Variants in ASB3 observed in about 807,000 individuals in gnomAD.
ASB3 encodes the protein ankyrin repeat and SOCS box protein 3.
Under a neutral mutation model 54.5 loss-of-function variants are expected in ASB3, and 41 were observed. The ratio of observed to expected loss-of-function variants is 0.75; its 90% CI spans 0.59 to 0.98. The LOEUF (loss-of-function observed/expected upper bound fraction) is 0.98, where lower values mean the gene tolerates loss of function less well. Ranked by LOEUF, ASB3 falls within the 50% of genes least tolerant of loss-of-function variation. The pLI is 0.00. For missense variants in ASB3, 733 were observed against 620.0 expected, an observed-to-expected ratio of 1.18 and a Z score of -1.94; for synonymous variants, 266 against 221.2, an observed-to-expected ratio of 1.20 and a Z score of -1.80.
intron 1 of ASB3, chr2:53,767,796 G>C: frequency 6.7e-7 from 1 of 1,489,624 alleles, no homozygotes; most frequent in Non-Finnish European, 9.0e-7. Flanking sequence ...CGCCCCGCGC[G>C]GCCGGTTACT....
intron 9 of ASB3, among the ~76,000 whole-genome samples, chr2:53,691,227 C>A (rs1241563623): frequency 2.6e-5 from 4 of 152,010 alleles, no homozygotes; most frequent in Non-Finnish European, 5.9e-5. Context: ...TTATAAACTA[C>A]CATGGCAAGT....
intron 3 of ASB3, chr2:53,748,213 T>C (rs1173170691): frequency 1.3e-5 from 2 of 152,270 alleles, no homozygotes; most frequent in East Asian, 3.8e-4. Flanking sequence ...ACTCTGCACA[T>C]GAAGTCTTCT....
intron 3 of ASB3, among the ~76,000 whole-genome samples, chr2:53,742,354 A>C (rs1419306912): frequency 6.6e-6 from 1 of 152,206 alleles, no homozygotes; most frequent in African/African-American, 2.4e-5. Flanking sequence ...CCCAAGATGA[A>C]TTATCACAAA....
intron 7 of ASB3, among the ~76,000 whole-genome samples, chr2:53,711,108 C>A (rs949535484): frequency 6.6e-6 from 1 of 152,078 alleles, no homozygotes; most frequent in Non-Finnish European, 1.5e-5. Flanking sequence ...TCTGTGTGGG[C>A]AACAGAATGA....
chr2:53,699,239 T>C lies in ASB3; in HGVS notation c.1238+1032A>G, dbSNP rs541833632. On this transcript the variant is annotated intron_variant, in intron 8 of 9. Transcript: ENST00000263634. ...GGGGCACCATCTTGATGATCTTATC[T>C]AATCCTAATTACCTCCCAAATATCT... 5.9e-5 allele frequency among the ~76,000 whole-genome samples: 9 copies of C among 152,326 alleles called. No individual in the cohort carries two copies. The South Asian group carries it at 1.9e-3, about 32-fold the overall frequency.
At chr2:53,700,709 C>T (rs1020066155) in intron 7 of ASB3, among the ~76,000 whole-genome samples, 181 bp from the exon 8 acceptor site, 16 of 151,972 alleles carry the variant, frequency 1.1e-4, no homozygotes, top group Non-Finnish European at 2.2e-4. Flanking sequence ...GCTTTTTACA[C>T]CCTCCTGCAT....
intron 5 of ASB3, among the ~76,000 whole-genome samples, chr2:53,724,549 A>C (rs1187604531): frequency 6.6e-6 from 1 of 151,984 alleles, no homozygotes; most frequent in African/African-American, 2.4e-5. Context: ...CAGTGAGCAG[A>C]GATAGTGCCA....
intron 1 of ASB3, among the ~76,000 whole-genome samples, chr2:53,783,174 T>C (rs189079993): frequency 5.9e-4 from 89 of 152,036 alleles, no homozygotes; most frequent in African/African-American, 2.1e-3. Context: ...GGGACATAAA[T>C]ATTTAAAAGT....
chr2:53,713,984 G>GT (rs1430543135), intron 7 of ASB3, among the ~76,000 whole-genome samples: 1 of 151,946 alleles, frequency 6.6e-6, no homozygotes, highest in East Asian at 1.9e-4. Context: ...TAAAACTAAA[G>GT]TTTAATTTTT....
rs374494818 is a variant in ASB3, at chr2:53,694,891, T to C, written c.1239-877A>G. On this transcript the variant is annotated intron_variant, in intron 8 of 9. Transcript: ENST00000263634. ...AAACTATAAAGTATTATACGAAAAATTGGTATTACCAGAAACGATTTGAAA... is the reference window on the plus strand; with the variant it reads ...AAACTATAAAGTATTATACGAAAAACTGGTATTACCAGAAACGATTTGAAA... Among the ~76,000 whole-genome samples, 15 of 152,232 alleles carry C rather than the reference T, an allele frequency of 9.9e-5. No homozygotes were observed. In the South Asian group the frequency reaches 3.1e-3, roughly 32 times the overall value.
intron 9 of ASB3, among the ~76,000 whole-genome samples, chr2:53,687,964 T>C (rs1668718741): frequency 6.6e-6 from 1 of 152,084 alleles, no homozygotes; most frequent in Non-Finnish European, 1.5e-5. Context: ...ACTACAGTCA[T>C]TCACCACCAT....
At chr2:53,769,420 TAAC>T (rs1410069020) in intron 1 of ASB3, among the ~76,000 whole-genome samples, 5 of 152,252 alleles carry the variant, frequency 3.3e-5, no homozygotes, top group African/African-American at 1.2e-4. Flanking sequence ...TATGTGGCTA[TAAC>T]AACATACTTT....
chr2:53,701,029 G>C (rs1243350162), intron 7 of ASB3, among the ~76,000 whole-genome samples: 1 of 152,114 alleles, frequency 6.6e-6, no homozygotes, highest in African/African-American at 2.4e-5. Flanking sequence ...AGGCTGACGT[G>C]CAGTGGCACA....
chr2:53,673,754 A>G (rs1667941162), intron 9 of ASB3, among the ~76,000 whole-genome samples: 2 of 152,236 alleles, frequency 1.3e-5, no homozygotes, highest in Admixed American at 6.5e-5. Context: ...AAATTTCAGA[A>G]TATCTTTCCA....
intron 3 of ASB3, among the ~76,000 whole-genome samples, chr2:53,745,671 G>C (rs1051452419): frequency 2.0e-4 from 31 of 152,146 alleles, no homozygotes; most frequent in Non-Finnish European, 3.8e-4. Context: ...ATATTCTATA[G>C]CCTCTAGCAA....
rs780720749 is a variant in ASB3, at chr2:53,716,748, G to C, written c.605-5C>G. ...CTTGACAATTGACATTTGCACCTAA[G>C]GGTACAAAATAAAACATTTAACAGA... On this transcript the variant is annotated splice_polypyrimidine_tract_variant and splice_region_variant and intron_variant, in intron 5 of 9. Transcript: ENST00000263634. 3 of 1,608,880 alleles carry C rather than the reference G, an allele frequency of 1.9e-6. No homozygotes were observed. Among genetic ancestry groups the C allele is most frequent in the Non-Finnish European group, 2.5e-6 (3 of 1,176,790 alleles).
chr2:53,763,685 A>G (rs1673277099), intron 2 of ASB3: 1 of 168,890 alleles, frequency 5.9e-6, no homozygotes, highest in Non-Finnish European at 1.5e-5. Context: ...GATGAAAAAA[A>G]TCTGTAACAT....
chr2:53,693,535 G>A (rs938607025), intron 9 of ASB3, among the ~76,000 whole-genome samples: 1 of 151,974 alleles, frequency 6.6e-6, no homozygotes, highest in Admixed American at 6.6e-5. Context: ...GAAAAATTAA[G>A]TTTAGCATTT....
chr2:53,772,378 G>T (rs1332795440), intron 1 of ASB3, among the ~76,000 whole-genome samples: 2 of 152,084 alleles, frequency 1.3e-5, no homozygotes, highest in East Asian at 1.9e-4. Flanking sequence ...GTTTCACCGT[G>T]TTAGCCAGGA....
Sources: gnomAD v4.1 joint callset for allele counts (sites outside exome capture counted in the v4.1 genomes callset) on GRCh38, gnomAD v4.1.1 for gene constraint, MANE v1.5 for transcripts, NCBI Gene and HGNC (gene_info 2026-07-23, HGNC 2026-07-21) for gene names.